Variants in PPP1R13B observed in about 807,000 individuals in gnomAD.
PPP1R13B encodes the protein apoptosis-stimulating of p53 protein 1.
PPP1R13B carries 44 observed loss-of-function variants against 119.8 expected under a neutral mutation model. That is an observed-to-expected ratio of 0.37 (90% CI 0.29 to 0.47). The LOEUF (loss-of-function observed/expected upper bound fraction) is 0.47, where lower values mean the gene tolerates loss of function less well. PPP1R13B is among the 20% of genes least tolerant of loss of function. The probability of loss-of-function intolerance (pLI) is 0.99; values close to 1 mark genes in which losing one functional copy is unlikely to be tolerated. For missense variants in PPP1R13B, 1,227 were observed against 1,413.5 expected, an observed-to-expected ratio of 0.87 and a Z score of 2.12; for synonymous variants, 542 against 561.5, an observed-to-expected ratio of 0.97 and a Z score of 0.49.
intron 1 of PPP1R13B, among the ~76,000 whole-genome samples, chr14:103,834,454 G>A (rs2086728666): frequency 1.3e-5 from 2 of 152,086 alleles, no homozygotes; most frequent in Non-Finnish European, 2.9e-5. Flanking sequence ...AGATGCCATC[G>A]AGGTAGAGAC....
At chr14:103,845,902 A>G (rs745937006) in intron 1 of PPP1R13B, among the ~76,000 whole-genome samples, 1 of 152,216 alleles carries the variant, frequency 6.6e-6, no homozygotes, top group African/African-American at 2.4e-5. Context: ...AGAATAATAA[A>G]TATTTGTATG....
At chr14:103,767,423 C>T (rs1432504798) in intron 4 of PPP1R13B, among the ~76,000 whole-genome samples, 1 of 152,024 alleles carries the variant, frequency 6.6e-6, no homozygotes, top group African/African-American at 2.4e-5. Flanking sequence ...TTTTCAAATA[C>T]TTCCTTTGAA....
chr14:103,831,215 T>G (rs1452161250), intron 1 of PPP1R13B, among the ~76,000 whole-genome samples: 1 of 152,090 alleles, frequency 6.6e-6, no homozygotes, highest in Non-Finnish European at 1.5e-5. Flanking sequence ...AATGCTGGGA[T>G]TACAGGCATG....
At chr14:103,809,513 C>T (rs2086096264) in intron 1 of PPP1R13B, among the ~76,000 whole-genome samples, 1 of 152,066 alleles carries the variant, frequency 6.6e-6, no homozygotes, top group Admixed American at 6.5e-5. Context: ...ATTCTATCCA[C>T]TAAAACTTAA....
chr14:103,820,623 G>A (rs1402606098), intron 1 of PPP1R13B, among the ~76,000 whole-genome samples: 4 of 150,612 alleles, frequency 2.7e-5, no homozygotes, highest in African/African-American at 9.8e-5. Context: ...CAAGTAGCTG[G>A]GACTGGCACA....
chr14:103,750,095 T>G (rs865922610), intron 7 of PPP1R13B, among the ~76,000 whole-genome samples, 161 bp from the exon 8 acceptor site: 8 of 152,262 alleles, frequency 5.3e-5, no homozygotes, highest in African/African-American at 1.7e-4. Context: ...ACAGCAGAGA[T>G]AAGCCAGGAC....
In PPP1R13B at chr14:103,742,129, G is replaced by A. The variant is rs1280611943; in HGVS notation, c.1483C>T (p.Pro495Ser). ...AGCAGGGTGGGCCTCTGTCGACTTG[G>A]CAGGCCTGCACTGGGCCTGGGCAAG... ...GSLPRPSAGL[P>S]SRQRPTLLPA... is the part of the protein sequence containing the mutation. Residue 495 changes from proline to serine, a missense_variant, in exon 11 of 17, where the codon CCA (proline) becomes TCA (serine). Transcript: ENST00000202556. The surrounding 1 kb of genome is among the most constrained non-coding windows in gnomAD (Gnocchi z 4.9). 1.2e-6 allele frequency: 2 copies of A among 1,612,610 alleles called. No homozygotes were observed. Among genetic ancestry groups the A allele is most frequent in the Admixed American group, 3.3e-5 (2 of 60,022 alleles).
chr14:103,791,598 G>A (rs1055392395), intron 2 of PPP1R13B, among the ~76,000 whole-genome samples: 3 of 152,084 alleles, frequency 2.0e-5, no homozygotes, highest in African/African-American at 4.8e-5. Flanking sequence ...GGTGGCACAC[G>A]CCTATAATCC....
At position 103,801,122 on chromosome 14, in the gene PPP1R13B, T is replaced by C. The variant is rs146123666; in HGVS notation, c.10-3604A>G. Among the ~76,000 whole-genome samples, 923 of 152,272 alleles carry C rather than the reference T, an allele frequency of 6.1e-3. 12 individuals carry two copies. Among genetic ancestry groups the C allele is most frequent in the African/African-American group, 0.021 (868 of 41,560 alleles). On this transcript the variant is annotated intron_variant, in intron 1 of 16. Transcript: ENST00000202556. ...ACCTCGGCCTCCCAAAGTGCTGGGA[T>C]TACAGATGTGAGCCAACACGTCTGG...
intron 3 of PPP1R13B, among the ~76,000 whole-genome samples, chr14:103,784,409 C>T (rs1322954430): frequency 1.3e-5 from 2 of 151,482 alleles, no homozygotes; most frequent in Non-Finnish European, 1.5e-5. Context: ...ATGGTGAAAC[C>T]CCATCTCTAT....
chr14:103,764,221 ACATTTCCAC>A (rs2084883160), intron 4 of PPP1R13B: 1 of 157,508 alleles, frequency 6.3e-6, no homozygotes, highest in African/African-American at 2.4e-5. Context: ...GCACTATTTT[ACATTTCCAC>A]CAGCAATGGA....
chr14:103,801,836 GA>G (rs748557849), intron 1 of PPP1R13B, among the ~76,000 whole-genome samples: 1 of 152,156 alleles, frequency 6.6e-6, no homozygotes, highest in Non-Finnish European at 1.5e-5. Context: ...ATTGAAGTAA[GA>G]TATATCCAGT....
At chr14:103,789,258 G>A (rs938827636) in intron 2 of PPP1R13B, among the ~76,000 whole-genome samples, 1 of 151,860 alleles carries the variant, frequency 6.6e-6, no homozygotes, top group African/African-American at 2.4e-5. Flanking sequence ...TCACTCTGTC[G>A]CCCAGGCTGG....
At chr14:103,825,122 T>C (rs1248821372) in intron 1 of PPP1R13B, among the ~76,000 whole-genome samples, 1 of 152,194 alleles carries the variant, frequency 6.6e-6, no homozygotes, top group Non-Finnish European at 1.5e-5. Flanking sequence ...AACGTTACTA[T>C]TGTAATTGCT....
At chr14:103,760,381 T>G (rs35905888) in intron 4 of PPP1R13B, among the ~76,000 whole-genome samples, 4,792 of 152,278 alleles carry the variant, frequency 0.031, 211 homozygotes, top group African/African-American at 0.098. Flanking sequence ...TTGCATCTAA[T>G]AAGAAGAAGT....
chr14:103,823,558 T>G (rs1264979034), intron 1 of PPP1R13B, among the ~76,000 whole-genome samples: 2 of 152,092 alleles, frequency 1.3e-5, no homozygotes, highest in Non-Finnish European at 2.9e-5. Context: ...GACCCTACCT[T>G]GTCACCAAGA....
intron 1 of PPP1R13B, among the ~76,000 whole-genome samples, chr14:103,803,679 CA>C (rs1567136521): frequency 6.6e-6 from 1 of 152,046 alleles, no homozygotes; most frequent in African/African-American, 2.4e-5. Context: ...AATTAATAAA[CA>C]AATAAATAAA....
At position 103,734,448 on chromosome 14, in the gene PPP1R13B, G is replaced by A. The variant is rs1244292714; in HGVS notation, c.*706C>T. ...AGCATGACAGGCTGTGAGATCGGAG[G>A]AGAAGAGTATATGCTGAGGCTCTCC... On this transcript the variant is annotated 3_prime_UTR_variant, in exon 17 of 17. Transcript: ENST00000202556. 1 of 449,324 alleles carries A rather than the reference G, an allele frequency of 2.2e-6. No individual in the cohort carries two copies. The allele number at this position is 449,324 out of a possible 1,614,324, so 27.8% of individuals were successfully genotyped here.
Position 103,734,686 on chromosome 14 carries a change from G to C in PPP1R13B, c.*468C>G, listed in dbSNP as rs1300263227. On this transcript the variant is annotated 3_prime_UTR_variant, in exon 17 of 17. Coordinates refer to ENST00000202556, the MANE Select transcript of PPP1R13B (RefSeq NM_015316.3). Reference sequence around the variant, plus strand: ...CTCCTTTGGTGATGAAGGGAAGAAGGATCATGTGTGGGAAGTGTGAGAAAG... The same window carrying C: ...CTCCTTTGGTGATGAAGGGAAGAAGCATCATGTGTGGGAAGTGTGAGAAAG... The C allele has an allele frequency of 8.7e-6, 4 of 457,208 alleles. No individual in the cohort carries two copies. The highest frequency in any genetic ancestry group is 8.0e-5 in the African/African-American group (4 of 50,132). The allele number at this position is 457,208 out of a possible 1,614,324, so 28.3% of individuals were successfully genotyped here. A position where few individuals can be genotyped will look rare whatever the true frequency, so the allele number is the denominator to read the frequency against.
Sources: gnomAD v4.1 joint callset for allele counts (sites outside exome capture counted in the v4.1 genomes callset) on GRCh38, gnomAD v4.1.1 for gene constraint, Gnocchi (gnomAD v3.1) non-coding constraint, MANE v1.5 for transcripts, NCBI Gene and HGNC (gene_info 2026-07-23, HGNC 2026-07-21) for gene names.